Variants in GRIP1 observed in about 807,000 individuals in gnomAD.
GRIP1 encodes glutamate receptor-interacting protein 1.
In GRIP1, 45 loss-of-function variants were observed where a neutral mutation model predicts 129.9. The observed-to-expected ratio is 0.35, with a 90% CI of 0.27 to 0.44. The LOEUF (loss-of-function observed/expected upper bound fraction) is 0.44. Among genes scored for constraint, GRIP1 ranks in the 20% least tolerant of loss-of-function variants. The pLI is 1.00. For synonymous variants in GRIP1, 530 were observed against 520.8 expected, an observed-to-expected ratio of 1.02 and a Z score of -0.24; for missense variants, 1,196 against 1,396.8, an observed-to-expected ratio of 0.86 and a Z score of 2.29.
At chr12:66,533,675 C>G (rs1243787252) in intron 4 of GRIP1, among the ~76,000 whole-genome samples, 3 of 151,866 alleles carry the variant, frequency 2.0e-5, no homozygotes, top group African/African-American at 7.3e-5. Flanking sequence ...ACATAAATAT[C>G]TAAGATACAG....
At chr12:66,941,522 T>C (rs556453055) in intron 1 of GRIP1, among the ~76,000 whole-genome samples, 21 of 152,310 alleles carry the variant, frequency 1.4e-4, no homozygotes, top group African/African-American at 5.1e-4. Flanking sequence ...CTACATAGCA[T>C]AAATCTAATC....
At chr12:66,357,882 T>C (rs2054568394) in intron 23 of GRIP1, among the ~76,000 whole-genome samples, 1 of 152,212 alleles carries the variant, frequency 6.6e-6, no homozygotes, top group South Asian at 2.1e-4. Flanking sequence ...TAAATTTTGA[T>C]ATATTCAATG....
At chr12:66,697,311 CAG>C (rs1363057373) in intron 1 of GRIP1, among the ~76,000 whole-genome samples, 1 of 152,120 alleles carries the variant, frequency 6.6e-6, no homozygotes, top group African/African-American at 2.4e-5. Context: ...TCCCTCACAT[CAG>C]AGAGAGGTGG....
At chr12:66,539,949 T>C (rs2061725136) in intron 3 of GRIP1, among the ~76,000 whole-genome samples, 2 of 152,220 alleles carry the variant, frequency 1.3e-5, no homozygotes, top group Admixed American at 1.3e-4. Context: ...TTCATGTCAC[T>C]GATAAGGACC....
intron 1 of GRIP1, among the ~76,000 whole-genome samples, chr12:66,695,633 C>G (rs1476995459): frequency 6.6e-6 from 1 of 152,116 alleles, no homozygotes; most frequent in East Asian, 1.9e-4. Context: ...GGGGAGGGAA[C>G]TAGAGGTACA....
chr12:66,454,594 C>T (rs1851375749), intron 11 of GRIP1, among the ~76,000 whole-genome samples: 1 of 152,186 alleles, frequency 6.6e-6, no homozygotes, highest in Admixed American at 6.5e-5. Context: ...TTAAGGCATT[C>T]AATCACCTTT....
chr12:66,400,639 C>T (rs1015114010), intron 16 of GRIP1, among the ~76,000 whole-genome samples: 1 of 151,960 alleles, frequency 6.6e-6, no homozygotes, highest in African/African-American at 2.4e-5. Flanking sequence ...CAGATTACAG[C>T]CCATGAAGGT....
intron 1 of GRIP1, among the ~76,000 whole-genome samples, chr12:66,830,036 C>G (rs936604634): frequency 1.1e-4 from 16 of 152,194 alleles, no homozygotes; most frequent in African/African-American, 2.9e-4. Flanking sequence ...GGCTAGAATA[C>G]AGCCAGGTTA....
At chr12:66,773,476 A>C (rs4379912) in intron 1 of GRIP1, among the ~76,000 whole-genome samples, 8,386 of 152,220 alleles carry the variant, frequency 0.055, 401 homozygotes, top group East Asian at 0.18. Context: ...CAAACACCGC[A>C]TGTTCTTGCT....
intron 1 of GRIP1, among the ~76,000 whole-genome samples, chr12:66,633,307 T>TACTAC (rs1565926917): frequency 2.0e-5 from 3 of 148,246 alleles, no homozygotes. Flanking sequence ...TACTACACTA[T>TACTAC]ACTATACTAT....
At chr12:66,966,691 T>A (rs984907785) in intron 1 of GRIP1, among the ~76,000 whole-genome samples, 2 of 152,186 alleles carry the variant, frequency 1.3e-5, no homozygotes, top group African/African-American at 4.8e-5. Flanking sequence ...TCAATTAAAA[T>A]TTGTCTGACG....
At chr12:67,013,171 A>C (rs2042734342) in intron 1 of GRIP1, among the ~76,000 whole-genome samples, 1 of 152,150 alleles carries the variant, frequency 6.6e-6, no homozygotes, top group African/African-American at 2.4e-5. Flanking sequence ...GCTGTTTCTA[A>C]TTTTCAAAGA....
intron 1 of GRIP1, among the ~76,000 whole-genome samples, chr12:66,787,699 G>A (rs746486649): frequency 8.6e-5 from 13 of 151,992 alleles, no homozygotes; most frequent in East Asian, 1.9e-4. Flanking sequence ...ACCCAACACC[G>A]AATCTACCTG....
chr12:66,473,434 C>A (rs570814527), intron 7 of GRIP1, among the ~76,000 whole-genome samples: 1 of 152,216 alleles, frequency 6.6e-6, no homozygotes, highest in African/African-American at 2.4e-5. Flanking sequence ...CCTGCTGGCT[C>A]TGAAGAGAGC....
chr12:66,556,839 T>C (rs968952683), intron 2 of GRIP1, among the ~76,000 whole-genome samples: 4 of 150,578 alleles, frequency 2.7e-5, no homozygotes, highest in African/African-American at 7.3e-5. Flanking sequence ...ACATAAAGTA[T>C]AAAAAGGAAG....
At chr12:66,405,929 A>T (rs889911813) in intron 16 of GRIP1, among the ~76,000 whole-genome samples, 1 of 152,208 alleles carries the variant, frequency 6.6e-6, no homozygotes, top group Non-Finnish European at 1.5e-5. Flanking sequence ...AAAATTAGGT[A>T]AAAAAATGCA....
At chr12:66,806,645 A>T (rs1310030809), upstream of GRIP1, among the ~76,000 whole-genome samples, 3 of 139,542 alleles carry the variant, frequency 2.1e-5, no homozygotes, top group African/African-American at 1.0e-4. Context: ...ATTTCACTAG[A>T]GTTTGATTTT....
intron 7 of GRIP1, among the ~76,000 whole-genome samples, chr12:66,497,043 C>T (rs993173108): frequency 2.0e-5 from 3 of 152,202 alleles, no homozygotes; most frequent in African/African-American, 7.2e-5. Context: ...AGATGAAACA[C>T]TGCTTTTAAG....
chr12:66,573,456 T>C (rs185355985), intron 2 of GRIP1, among the ~76,000 whole-genome samples: 2 of 152,296 alleles, frequency 1.3e-5, no homozygotes, highest in East Asian at 1.9e-4. Context: ...TGGTGATAGA[T>C]AACTAATGTA....
Sources: allele counts gnomAD v4.1 joint callset (sites outside exome capture counted in the v4.1 genomes callset), GRCh38; gene constraint gnomAD v4.1.1; transcripts MANE v1.5; gene names NCBI Gene and HGNC (gene_info 2026-07-23, HGNC 2026-07-21).